ARSG: variants seen among roughly 807,000 people sequenced by gnomAD.
The protein encoded by ARSG is arylsulfatase G, also known as ASG.
A neutral mutation model predicts 50.5 loss-of-function variants in ARSG; 37 were observed. The observed-to-expected ratio is 0.73, with a 90% confidence interval of 0.56 to 0.96. ARSG has a LOEUF of 0.96. ARSG is among the 50% of genes least tolerant of loss of function. ARSG has a pLI of 0.00. For missense variants in ARSG, 629 were observed against 675.3 expected, an observed-to-expected ratio of 0.93 and a Z score of 0.76; for synonymous variants, 225 against 254.6, an observed-to-expected ratio of 0.88 and a Z score of 1.11.
At chr17:68,375,539 T>C (rs1206832967) in intron 8 of ARSG, among the ~76,000 whole-genome samples, 1 of 152,240 alleles carries the variant, frequency 6.6e-6, no homozygotes, top group Non-Finnish European at 1.5e-5. Context: ...TAGCTACATA[T>C]AGCTATTTAA....
Position 68,296,629 on chromosome 17 carries a change from A to G in ARSG, c.-552+5061A>G, listed in dbSNP as rs554087525. 3.0e-4 allele frequency among the ~76,000 whole-genome samples: 45 copies of G among 152,180 alleles called. No homozygotes were observed. In the South Asian group the frequency reaches 8.9e-3, roughly 30 times the overall value. The stretch of plus-strand genomic sequence containing the variant: ...CACAGCAGGACTGGGTCCAGGGAGC[A>G]TCCATCCCTCCATCCTTCCCTCCCA... On this transcript the variant is annotated intron_variant, in intron 1 of 11. Coordinates refer to ENST00000621439, the MANE Select transcript of ARSG (RefSeq NM_001267727.2).
At chr17:68,304,327 A>T (rs1287127804) in intron 1 of ARSG, among the ~76,000 whole-genome samples, 2 of 152,230 alleles carry the variant, frequency 1.3e-5, no homozygotes, top group Admixed American at 1.3e-4. Context: ...TCTTAAGATC[A>T]ACAAATACCA....
intron 2 of ARSG, among the ~76,000 whole-genome samples, chr17:68,325,649 G>A (rs1221529678): frequency 3.9e-5 from 6 of 152,044 alleles, no homozygotes; most frequent in African/African-American, 1.4e-4. Flanking sequence ...GCACAGGTGG[G>A]GCTCTTGAAC....
chr17:68,347,043 C>T (rs1362879957), intron 3 of ARSG, 82 bp from the exon 4 acceptor site: 4 of 1,579,690 alleles, frequency 2.5e-6, no homozygotes, highest in Non-Finnish European at 3.5e-6. Flanking sequence ...TAATGGAGAG[C>T]TGAGTGTGTG....
the ARSG span, among the ~76,000 whole-genome samples, chr17:68,437,244 AG>A: frequency 3.5e-3 from 528 of 152,266 alleles, 6 homozygotes; most frequent in African/African-American, 0.012. Flanking sequence ...GGAGCTGCCA[AG>A]AACCTATTTA....
rs561542228 is a variant in ARSG at position 68,274,171 on chromosome 17, C to T, written c.-552+14745C>T. On this transcript the variant is annotated intron_variant, in intron 1 of 11. Coordinates refer to the ARSG transcript ENST00000448504. ...CGTCTTGCACATGGAGAGATGATGT[C>T]GAATATAAATATGGCCGAGCGCAGT... The T allele has an allele frequency of 6.8e-6, 9 of 1,317,248 alleles. No homozygotes were observed. The East Asian group carries it at 7.1e-5, about 10-fold the overall frequency. 81.6% of individuals were successfully genotyped at this position (1,317,248 alleles called of 1,614,324 possible).
At chr17:68,325,028 C>T (rs1166555570) in intron 2 of ARSG, among the ~76,000 whole-genome samples, 5 of 152,128 alleles carry the variant, frequency 3.3e-5, no homozygotes, top group Non-Finnish European at 7.4e-5. Context: ...TTGATATATC[C>T]TGGATCACCT....
the ARSG span, among the ~76,000 whole-genome samples, chr17:68,436,949 G>A: frequency 6.6e-5 from 10 of 151,404 alleles, no homozygotes; most frequent in East Asian, 1.2e-3. Flanking sequence ...AGTGGAGATC[G>A]TGCCACTGCA....
intron 5 of ARSG, among the ~76,000 whole-genome samples, chr17:68,352,285 A>G (rs888624807): frequency 6.6e-6 from 1 of 152,090 alleles, no homozygotes; most frequent in African/African-American, 2.4e-5. Context: ...GGCACCAAAT[A>G]GGATGTTTTG....
In ARSG at chr17:68,299,937, C is replaced by CTTTT. The variant is rs34778190; in HGVS notation, c.-551-6992_-551-6989dup. On this transcript the variant is annotated intron_variant, in intron 1 of 11. Transcript: ENST00000621439. ...TAAAATTATATGATATTTGGTATTG[C>CTTTT]TTTTTTTTTTTTTTTTTAAGAGACA... Among the ~76,000 whole-genome samples the CTTTT allele has an allele frequency of 3.4e-3, 472 of 137,974 alleles. 3 individuals carry two copies. Among genetic ancestry groups the CTTTT allele is most frequent in the African/African-American group, 0.012 (436 of 37,164 alleles). The allele number at this position is 137,974 out of a possible 152,430, so 90.5% of individuals were successfully genotyped here. A position where few individuals can be genotyped will look rare whatever the true frequency, so the allele number is the denominator to read the frequency against.
chr17:68,329,450 A>G (rs2077635531), intron 2 of ARSG, among the ~76,000 whole-genome samples: 1 of 152,104 alleles, frequency 6.6e-6, no homozygotes, highest in Non-Finnish European at 1.5e-5. Flanking sequence ...CTGTAAGGGG[A>G]CTGCTTTCCG....
At chr17:68,448,764 G>A in the ARSG span, among the ~76,000 whole-genome samples, 3 of 152,162 alleles carry the variant, frequency 2.0e-5, no homozygotes, top group African/African-American at 2.4e-5. Context: ...CTATATGCAA[G>A]GATAAAAAGT....
chr17:68,303,359 C>A (rs2076491064), intron 1 of ARSG, among the ~76,000 whole-genome samples: 1 of 152,200 alleles, frequency 6.6e-6, no homozygotes, highest in African/African-American at 2.4e-5. Context: ...CTCTCAGGCT[C>A]AAGCAGTCCT....
intron 2 of ARSG, among the ~76,000 whole-genome samples, chr17:68,316,510 A>G (rs782037935): frequency 6.6e-6 from 1 of 152,186 alleles, no homozygotes. Context: ...GGATTCCTGG[A>G]TCTAAACTTC....
intron 1 of ARSG, among the ~76,000 whole-genome samples, chr17:68,263,980 C>T (rs1238395095): frequency 1.3e-5 from 2 of 152,148 alleles, no homozygotes; most frequent in African/African-American, 4.8e-5. Flanking sequence ...GCCTCAGCCC[C>T]CCGAGTAGCT....
At chr17:68,329,176 C>A (rs2077623025) in intron 2 of ARSG, among the ~76,000 whole-genome samples, 1 of 152,156 alleles carries the variant, frequency 6.6e-6, no homozygotes, top group Non-Finnish European at 1.5e-5. Context: ...GAGACCAGAG[C>A]AGAGTGATTA....
the ARSG span, among the ~76,000 whole-genome samples, chr17:68,434,360 A>G: frequency 6.6e-6 from 1 of 152,324 alleles, no homozygotes; most frequent in East Asian, 1.9e-4. Flanking sequence ...GAACTGTGTT[A>G]AAACAGCATC....
intron 1 of ARSG, among the ~76,000 whole-genome samples, chr17:68,277,065 C>T (rs1451016550): frequency 2.0e-5 from 3 of 152,148 alleles, no homozygotes; most frequent in African/African-American, 7.2e-5. Flanking sequence ...TCTCATTTTG[C>T]TTCATGCATC....
upstream of ARSG, among the ~76,000 whole-genome samples, chr17:68,290,560 G>T (rs975123530): frequency 2.0e-5 from 3 of 152,216 alleles, no homozygotes; most frequent in African/African-American, 7.2e-5. Flanking sequence ...GACAAACGGT[G>T]GCCGCCGCAG....
Sources: allele counts gnomAD v4.1 joint callset (sites outside exome capture counted in the v4.1 genomes callset), GRCh38; gene constraint gnomAD v4.1.1; transcripts MANE v1.5; gene names NCBI Gene and HGNC (gene_info 2026-07-23, HGNC 2026-07-21).